Variants in SUPT6H observed in about 807,000 individuals in gnomAD.
SUPT6H encodes the protein SPT6 homolog, histone chaperone and transcription elongation factor.
A neutral mutation model predicts 222.3 loss-of-function variants in SUPT6H; 11 were observed. The ratio of observed to expected loss-of-function variants is 0.05; its 90% CI spans 0.03 to 0.08. The LOEUF (loss-of-function observed/expected upper bound fraction) is 0.08, where lower values mean the gene tolerates loss of function less well. Ranked by LOEUF, SUPT6H falls within the 10% of genes least tolerant of loss-of-function variation. SUPT6H has a pLI of 1.00. For synonymous variants in SUPT6H, 762 were observed against 801.2 expected (o/e 0.95, Z 0.83); for missense variants, 1,422 against 2,216.0 (o/e 0.64, Z 7.19).
intron 13 of SUPT6H, 74 bp from the exon 14 acceptor site, chr17:28,682,653 A>C (rs1216238361): frequency 2.6e-6 from 4 of 1,566,770 alleles, no homozygotes; most frequent in African/African-American, 2.7e-5. Flanking sequence ...CAGAATTCCA[A>C]CTCCAGATTC....
intron 26 of SUPT6H, among the ~76,000 whole-genome samples, chr17:28,690,640 G>C (rs904473306): frequency 6.6e-6 from 1 of 152,158 alleles, no homozygotes; most frequent in Non-Finnish European, 1.5e-5. Context: ...TGAGCGTGGT[G>C]GTGGGCACCT....
chr17:28,674,912 T>C, intron 4 of SUPT6H, 58 bp from the exon 5 acceptor site: 1 of 1,564,274 alleles, frequency 6.4e-7, no homozygotes. Flanking sequence ...GACTGGAGAT[T>C]TGGTATCCGT....
Position 28,701,544 on chromosome 17 carries a change from C to A in SUPT6H, c.5100C>A (p.Pro1700=). 6.2e-7 allele frequency: 1 copy of A among 1,614,136 alleles called. No homozygotes were observed. Among genetic ancestry groups the A allele is most frequent in the Non-Finnish European group, 8.5e-7 (1 of 1,180,020 alleles). Residue 1700 remains proline, a synonymous_variant, in exon 37 of 37, where the codon CCC becomes CCA. Coordinates refer to ENST00000314616, the MANE Select transcript of SUPT6H (RefSeq NM_003170.5). ...AGAAGCAGCGGCTGACACCTCGGCCCTCCCCCAGCCCCATGATCGAAAGCA... is the reference window on the plus strand; with the variant it reads ...AGAAGCAGCGGCTGACACCTCGGCCATCCCCCAGCCCCATGATCGAAAGCA... The part of the protein sequence containing the change: ...RKQKQRLTPR[P]SPSPMIESTP...
chr17:28,695,626 A>G, intron 29 of SUPT6H, 79 bp downstream of exon 29: 1 of 1,466,256 alleles, frequency 6.8e-7, no homozygotes, highest in East Asian at 2.4e-5. Flanking sequence ...CACAGGATGC[A>G]CATGTGTCAG....
At chr17:28,683,466 TGAG>T (rs764302989) in intron 16 of SUPT6H, 44 bp downstream of exon 16, 39 of 1,609,156 alleles carry the variant, frequency 2.4e-5, no homozygotes, top group Admixed American at 3.4e-5. Flanking sequence ...GAAGGCCTGA[TGAG>T]GAGTCTGGTG....
rs773820927 is a variant in SUPT6H at position 28,677,855 on chromosome 17, A to G, written c.999+39A>G. On this transcript the variant is annotated intron_variant, in intron 8 of 36. Transcript: ENST00000314616. ...ATCCTTAGGTTTTGACATGAACCAAAAGACACTTCATCAAGATGGGGAGCT... is the reference window on the plus strand; with the variant it reads ...ATCCTTAGGTTTTGACATGAACCAAGAGACACTTCATCAAGATGGGGAGCT... 6 of 1,570,082 alleles carry G rather than the reference A, an allele frequency of 3.8e-6. No homozygotes were observed. The Admixed American group carries it at 1.0e-4, about 26-fold the overall frequency.
At position 28,683,056 on chromosome 17, in the gene SUPT6H, C is replaced by A; in HGVS notation, c.1842C>A (p.Ala614=). 6.2e-7 allele frequency: 1 copy of A among 1,612,168 alleles called. No individual in the cohort carries two copies. The highest frequency in any genetic ancestry group is 2.2e-5 in the East Asian group (1 of 44,866). The change falls in exon 15 of 37, where the codon GCC becomes GCA. Residue 614 remains alanine (A), a synonymous_variant. Transcript: ENST00000314616. ...QVLRQTFQER[A]KLNITPTKKG... is the part of the protein sequence containing the mutation. ...TGAGGCAAACCTTCCAAGAGAGAGCCAAGTTAAATATAACCCCCACCAAGA... is the reference window on the plus strand; with the variant it reads ...TGAGGCAAACCTTCCAAGAGAGAGCAAAGTTAAATATAACCCCCACCAAGA...
At chr17:28,662,835 C>T (rs1167100875) in intron 1 of SUPT6H, among the ~76,000 whole-genome samples, 1 of 152,146 alleles carries the variant, frequency 6.6e-6, no homozygotes, top group African/African-American at 2.4e-5. Context: ...ATCCTTCATC[C>T]CTTTCTAAAG....
chr17:28,687,034 T>G (rs1395268407), intron 21 of SUPT6H, 54 bp from the exon 22 acceptor site: 1 of 1,596,742 alleles, frequency 6.3e-7, no homozygotes, highest in African/African-American at 1.3e-5. Context: ...GATTTCCTCT[T>G]GATGTTGTAG....
intron 29 of SUPT6H, among the ~76,000 whole-genome samples, chr17:28,695,796 C>G (rs141173695): frequency 6.6e-6 from 1 of 152,202 alleles, no homozygotes; most frequent in East Asian, 1.9e-4. Flanking sequence ...TCCTAGGAGC[C>G]CAGGTGAACA....
chr17:28,678,734 C>T (rs1276844498), intron 10 of SUPT6H, 87 bp from the exon 11 acceptor site: 4 of 1,610,480 alleles, frequency 2.5e-6, no homozygotes, highest in Non-Finnish European at 3.4e-6. Flanking sequence ...TCTAGTCCTC[C>T]CCCACTAGGT....
At chr17:28,687,896 G>A (rs1333789844) in intron 23 of SUPT6H, among the ~76,000 whole-genome samples, 195 bp from the exon 24 acceptor site, 1 of 131,652 alleles carries the variant, frequency 7.6e-6, no homozygotes, top group African/African-American at 2.8e-5. Context: ...TCATTTATTT[G>A]TTTATTATTT....
chr17:28,692,767 C>T (rs1422212437), intron 27 of SUPT6H, among the ~76,000 whole-genome samples: 5 of 147,618 alleles, frequency 3.4e-5, no homozygotes, highest in Middle Eastern at 3.5e-3. Context: ...TTTGGGAGGC[C>T]AAGGTAGGTG....
At chr17:28,690,835 A>G in intron 26 of SUPT6H, 86 bp from the exon 27 acceptor site, 6 of 1,452,544 alleles carry the variant, frequency 4.1e-6, no homozygotes, top group Non-Finnish European at 5.6e-6. Context: ...GAAGGAAGTC[A>G]GATATTCTGT....
At position 28,690,111 on chromosome 17, in the gene SUPT6H, T is replaced by C. The variant is rs890586265; in HGVS notation, c.3372T>C (p.Tyr1124=). The change falls in exon 26 of 37, where the codon TAT becomes TAC. Residue 1124 remains tyrosine, a synonymous_variant. Coordinates refer to ENST00000314616, the MANE Select transcript of SUPT6H (RefSeq NM_003170.5). ...ATGGTGACAAACACATCACACTCTA[T>C]GACATCCGGGCAGAGCTGAGCTGTC... The part of the protein sequence containing the change: ...QGYGDKHITL[Y]DIRAELSCRY... The C allele has an allele frequency of 6.2e-7, 1 of 1,613,006 alleles. No individual in the cohort carries two copies. The highest frequency in any genetic ancestry group is 1.3e-5 in the African/African-American group (1 of 74,890).
chr17:28,696,640 C>T (rs921408765), intron 29 of SUPT6H, among the ~76,000 whole-genome samples: 1 of 150,382 alleles, frequency 6.6e-6, no homozygotes, highest in Non-Finnish European at 1.5e-5. Flanking sequence ...GTATTCCCAG[C>T]TATTTTAGAG....
chr17:28,701,903 G>A lies in SUPT6H; in HGVS notation c.*278G>A, dbSNP rs933259722. The A allele has an allele frequency of 1.1e-5, 5 of 468,652 alleles. No homozygotes were observed. The highest frequency in any genetic ancestry group is 5.8e-5 in the African/African-American group (3 of 52,070). The allele number at this position is 468,652 out of a possible 1,614,324, so 29.0% of individuals were successfully genotyped here. On this transcript the variant is annotated 3_prime_UTR_variant, in exon 37 of 37. Transcript: ENST00000314616. ...GCAGGGAGGAGGAAGAGGAAGGTGA[G>A]AATGAGTAGAACAGTTTTGTATTCT...
intron 32 of SUPT6H, 134 bp from the exon 33 acceptor site, chr17:28,699,647 T>C: frequency 1.3e-6 from 1 of 772,068 alleles, no homozygotes; most frequent in South Asian, 1.5e-5. Flanking sequence ...TTCACAGGCC[T>C]GGGGACTGGC....
intron 1 of SUPT6H, among the ~76,000 whole-genome samples, chr17:28,664,008 T>C (rs541591921): frequency 1.3e-5 from 2 of 151,692 alleles, no homozygotes; most frequent in East Asian, 1.9e-4. Flanking sequence ...GTTGCTCTTA[T>C]CAAGGTCACC....
Sources: allele counts gnomAD v4.1 joint callset (sites outside exome capture counted in the v4.1 genomes callset), GRCh38; gene constraint gnomAD v4.1.1; transcripts MANE v1.5; gene names NCBI Gene and HGNC (gene_info 2026-07-23, HGNC 2026-07-21).